SCN9A: variants seen among roughly 807,000 people sequenced by gnomAD.
The protein encoded by SCN9A is sodium voltage-gated channel alpha subunit 9, also known as sodium channel protein type 9 subunit alpha.
SCN9A carries 131 observed loss-of-function variants against 187.0 expected under a neutral mutation model. That is an observed-to-expected ratio of 0.70 (90% CI 0.61 to 0.81). The LOEUF (loss-of-function observed/expected upper bound fraction) is 0.81. Ranked by LOEUF, SCN9A falls within the 30% of genes least tolerant of loss-of-function variation. SCN9A has a pLI of 0.00. For synonymous variants in SCN9A, 809 were observed against 808.6 expected (o/e 1.00, Z -0.01); for missense variants, 2,252 against 2,396.6 (o/e 0.94, Z 1.26).
Position 166,198,925 on chromosome 2 carries a change from A to G in SCN9A, c.5714T>C (p.Leu1905Ser). The change falls in exon 27 of 27, where the codon TTA becomes TCA. Residue 1905 changes from leucine to serine, a missense_variant. By Grantham distance (145) the Leu-to-Ser change is moderately radical. Around this residue, in one of 7 missense-constraint regions of SCN9A, gnomAD observed 345 missense variants for 344.6 expected, o/e 1.00. Coordinates refer to ENST00000642356, the MANE Select transcript of SCN9A (RefSeq NM_001365536.1). Reference protein sequence around the residue: ...VIQRAYRRYRLRQNVKNISSI... With the variant: ...VIQRAYRRYRSRQNVKNISSI... ...TGATATATTTTTGACATTTTGCCTTAAGCGGTAACGTCTATAAGCACGCTG... is the reference window on the plus strand; with the variant it reads ...TGATATATTTTTGACATTTTGCCTTGAGCGGTAACGTCTATAAGCACGCTG... 6.2e-7 allele frequency: 1 copy of G among 1,613,914 alleles called. No homozygotes were observed. Among genetic ancestry groups the G allele is most frequent in the Non-Finnish European group, 8.5e-7 (1 of 1,179,860 alleles).
At chr2:166,329,474 C>A (rs888779693) in intron 1 of SCN9A, among the ~76,000 whole-genome samples, 13 of 150,828 alleles carry the variant, frequency 8.6e-5, no homozygotes, top group African/African-American at 2.9e-4. Flanking sequence ...CTATTGGATA[C>A]ATGTAGATAG....
At chr2:166,342,692 A>G (rs1264754557) in intron 1 of SCN9A, among the ~76,000 whole-genome samples, 1 of 152,210 alleles carries the variant, frequency 6.6e-6, no homozygotes, top group Admixed American at 6.5e-5. Context: ...TGCAGTGTAA[A>G]ACATATGCAT....
rs56738765 is a variant in SCN9A at position 166,288,120 on chromosome 2, T to TATATATATATATACACACAC, written c.1314+316_1314+317insGTGTGTGTATATATATATAT. On this transcript the variant is annotated intron_variant, in intron 10 of 26. Transcript: ENST00000642356. ...ATATATATATATATATATATATATA[T>TATATATATATATACACACAC]ACACACACATTTATATGTATATGTG... is the stretch of plus-strand genomic sequence containing the variant. Among the ~76,000 whole-genome samples the TATATATATATATACACACAC allele has an allele frequency of 4.5e-4, 61 of 135,542 alleles. 1 individual carries two copies. The highest frequency in any genetic ancestry group is 3.6e-3 in the East Asian group (17 of 4,766). 88.9% of individuals were successfully genotyped at this position (135,542 alleles called of 152,430 possible).
intron 5 of SCN9A, 59 bp from the exon 6 acceptor site, chr2:166,304,388 G>T: frequency 1.4e-6 from 2 of 1,431,874 alleles, no homozygotes; most frequent in Non-Finnish European, 9.8e-7. Flanking sequence ...ACTTACCTGA[G>T]CCTTTAGTCA....
At chr2:166,335,610 C>A (rs115495114) in intron 1 of SCN9A, among the ~76,000 whole-genome samples, 2 of 152,162 alleles carry the variant, frequency 1.3e-5, no homozygotes, top group South Asian at 2.1e-4. Context: ...GGGTGATGTT[C>A]GGGACTGGGA....
intron 24 of SCN9A, among the ~76,000 whole-genome samples, chr2:166,214,311 T>C (rs1242039841): frequency 6.6e-6 from 1 of 151,998 alleles, no homozygotes; most frequent in African/African-American, 2.4e-5. Flanking sequence ...CAGACCATCT[T>C]CCAACTTCCC....
intron 24 of SCN9A, among the ~76,000 whole-genome samples, chr2:166,207,784 GTCT>G (rs1229761147): frequency 1.3e-5 from 2 of 152,074 alleles, no homozygotes; most frequent in African/African-American, 4.8e-5. Flanking sequence ...TTAATATGCA[GTCT>G]TTATGTAATT....
At chr2:166,370,228 T>TC (rs1209537376) in intron 1 of SCN9A, among the ~76,000 whole-genome samples, 12,565 of 145,568 alleles carry the variant, frequency 0.086, 677 homozygotes, top group African/African-American at 0.14. Context: ...ATAATAATAA[T>TC]AATAATAATC....
chr2:166,270,657 C>G (rs1391234073), intron 17 of SCN9A, among the ~76,000 whole-genome samples: 1 of 151,334 alleles, frequency 6.6e-6, no homozygotes, highest in Non-Finnish European at 1.5e-5. Flanking sequence ...CAGAGTCTCA[C>G]TCTGTAGTCC....
At chr2:166,343,125 T>G (rs927069467) in intron 1 of SCN9A, among the ~76,000 whole-genome samples, 2 of 152,174 alleles carry the variant, frequency 1.3e-5, no homozygotes, top group African/African-American at 4.8e-5. Context: ...TTACACTAAT[T>G]TTCTTGGTGA....
At chr2:166,338,605 G>GAA (rs2105276525) in intron 1 of SCN9A, among the ~76,000 whole-genome samples, 1 of 152,128 alleles carries the variant, frequency 6.6e-6, no homozygotes, top group African/African-American at 2.4e-5. Flanking sequence ...TAGTAATCAA[G>GAA]AAAATTAACA....
chr2:166,247,360 A>AAAG (rs1348142038), intron 18 of SCN9A, among the ~76,000 whole-genome samples: 1 of 152,100 alleles, frequency 6.6e-6, no homozygotes, highest in Non-Finnish European at 1.5e-5. Flanking sequence ...TTTCCAAAAG[A>AAAG]AAGAAAAAAT....
At chr2:166,345,381 ATTATCCT>A (rs1224650027) in intron 1 of SCN9A, among the ~76,000 whole-genome samples, 1 of 152,136 alleles carries the variant, frequency 6.6e-6, no homozygotes, top group African/African-American at 2.4e-5. Flanking sequence ...AGAACATGTT[ATTATCCT>A]CATTTTAATT....
At chr2:166,366,455 G>C (rs1490447132) in intron 1 of SCN9A, among the ~76,000 whole-genome samples, 1 of 151,706 alleles carries the variant, frequency 6.6e-6, no homozygotes, top group Non-Finnish European at 1.5e-5. Flanking sequence ...TCATATTTTT[G>C]CTATTGTGAA....
At chr2:166,370,484 A>G (rs184675901) in intron 1 of SCN9A, among the ~76,000 whole-genome samples, 1 of 151,708 alleles carries the variant, frequency 6.6e-6, no homozygotes, top group African/African-American at 2.4e-5. Flanking sequence ...CGGAGCTTGC[A>G]GTGAGCCAAG....
At chr2:166,321,369 A>C (rs1210434542) in intron 1 of SCN9A, 1 of 151,978 alleles carries the variant, frequency 6.6e-6, no homozygotes, top group East Asian at 1.9e-4. Flanking sequence ...AAAGTACAAA[A>C]ATTAGCCAGG....
Position 166,238,033 on chromosome 2 carries a change from G to T in SCN9A, c.3801+61C>A, listed in dbSNP as rs551691974. ...ATGATAATATGCAATAGTGGTGAAG[G>T]TTTTTTCACAACACACAGTAAGAAT... On this transcript the variant is annotated intron_variant, in intron 20 of 26. Transcript: ENST00000642356. The T allele has an allele frequency of 6.6e-5, 84 of 1,264,324 alleles. No individual in the cohort carries two copies. The African/African-American group carries it at 1.2e-3, about 18-fold the overall frequency. 78.3% of individuals were successfully genotyped at this position (1,264,324 alleles called of 1,614,324 possible). A position where few individuals can be genotyped will look rare whatever the true frequency, so the allele number is the denominator to read the frequency against.
In SCN9A at chr2:166,276,823, G is replaced by A. The variant is rs193168424; in HGVS notation, c.2874+160C>T. On this transcript the variant is annotated intron_variant, in intron 16 of 26. Transcript: ENST00000642356. ...GCTAGGAAAACTAATACAAAATTTC[G>A]TTCTCTTTCCTGTTCTTTCTTGTAT... 1.7e-3 allele frequency: 958 copies of A among 573,686 alleles called. 7 individuals carry two copies. Among genetic ancestry groups the A allele is most frequent in the East Asian group, 4.2e-3 (103 of 24,362 alleles). The allele number at this position is 573,686 out of a possible 1,614,324, so 35.5% of individuals were successfully genotyped here.
In SCN9A at chr2:166,195,238, A is replaced by G. The variant is rs1290428900; in HGVS notation, c.*3434T>C. On this transcript the variant is annotated 3_prime_UTR_variant, in exon 27 of 27. Coordinates refer to ENST00000642356, the MANE Select transcript of SCN9A (RefSeq NM_001365536.1). ...ATTATATTACAATGTGTCAGTCTCA[A>G]GTATAACTACAATATAACTACAATA... 1 of 152,222 alleles carries G rather than the reference A, an allele frequency of 6.6e-6. No individual in the cohort carries two copies. The highest frequency in any genetic ancestry group is 2.1e-4 in the South Asian group (1 of 4,824). The allele number at this position is 152,222 out of a possible 1,614,324, so 9.4% of individuals were successfully genotyped here.
Sources: allele counts gnomAD v4.1 joint callset (sites outside exome capture counted in the v4.1 genomes callset), GRCh38; gene constraint gnomAD v4.1.1; regional missense constraint gnomAD v4.1.1; transcripts MANE v1.5; gene names NCBI Gene and HGNC (gene_info 2026-07-23, HGNC 2026-07-21).